The following MACROD2 variants were observed in gnomAD, a reference collection of about 807,000 sequenced individuals.
The protein encoded by MACROD2 is ADP-ribose glycohydrolase MACROD2.
In MACROD2, 36 loss-of-function variants were observed where a neutral mutation model predicts 70.4. The observed-to-expected ratio is 0.51, with a 90% CI of 0.39 to 0.68. The LOEUF (loss-of-function observed/expected upper bound fraction) is 0.68, where lower values mean the gene tolerates loss of function less well. Ranked by LOEUF, MACROD2 falls within the 30% of genes least tolerant of loss-of-function variation. MACROD2 has a pLI of 0.00. For synonymous variants in MACROD2, 172 were observed against 178.8 expected, an observed-to-expected ratio of 0.96 and a Z score of 0.30; for missense variants, 496 against 538.4, an observed-to-expected ratio of 0.92 and a Z score of 0.78.
chr20:14,163,382 CTCTTTG>C (rs1287550520), intron 3 of MACROD2, among the ~76,000 whole-genome samples: 1 of 151,982 alleles, frequency 6.6e-6, no homozygotes, highest in African/African-American at 2.4e-5. Flanking sequence ...TTGGAATTTT[CTCTTTG>C]TCTTTGACTT....
intron 8 of MACROD2, among the ~76,000 whole-genome samples, chr20:15,721,880 T>C (rs1370981202): frequency 6.6e-6 from 1 of 152,184 alleles, no homozygotes; most frequent in Non-Finnish European, 1.5e-5. Context: ...CGTCACATTT[T>C]TCTTCTCTAA....
intron 5 of MACROD2, among the ~76,000 whole-genome samples, chr20:15,041,359 A>G (rs1380192545): frequency 6.6e-6 from 1 of 152,162 alleles, no homozygotes; most frequent in African/African-American, 2.4e-5. Context: ...CTGGCCATAT[A>G]TCCAACTTTA....
intron 8 of MACROD2, among the ~76,000 whole-genome samples, chr20:15,736,202 C>T (rs966115176): frequency 6.6e-6 from 1 of 152,208 alleles, no homozygotes; most frequent in African/African-American, 2.4e-5. Flanking sequence ...CTCATTCTCT[C>T]TACATCACAA....
intron 10 of MACROD2, among the ~76,000 whole-genome samples, chr20:15,916,498 T>A (rs2065318350): frequency 6.6e-6 from 1 of 152,152 alleles, no homozygotes; most frequent in Admixed American, 6.5e-5. Context: ...AAGGGAGGAA[T>A]CTCTATGAAT....
At chr20:14,419,359 C>A (rs2083849815) in intron 3 of MACROD2, among the ~76,000 whole-genome samples, 1 of 152,096 alleles carries the variant, frequency 6.6e-6, no homozygotes, top group African/African-American at 2.4e-5. Flanking sequence ...CAGCTAGGAT[C>A]TTTATATATT....
intron 5 of MACROD2, among the ~76,000 whole-genome samples, chr20:14,731,850 A>C (rs1392101932): frequency 2.0e-5 from 3 of 152,126 alleles, no homozygotes; most frequent in Non-Finnish European, 4.4e-5. Context: ...CTTTTTTTAA[A>C]ACCAGACATT....
chr20:14,704,824 T>C (rs921668888), intron 5 of MACROD2, among the ~76,000 whole-genome samples: 1 of 152,172 alleles, frequency 6.6e-6, no homozygotes, highest in African/African-American at 2.4e-5. Flanking sequence ...TTTTTTTAAA[T>C]TTTATTTCTC....
intron 5 of MACROD2, among the ~76,000 whole-genome samples, chr20:14,749,724 G>A (rs1308896812): frequency 6.6e-6 from 1 of 152,010 alleles, no homozygotes; most frequent in Non-Finnish European, 1.5e-5. Flanking sequence ...TAGTAATAGA[G>A]TGTTTTATTT....
intron 5 of MACROD2, among the ~76,000 whole-genome samples, chr20:15,215,306 C>G (rs1377183470): frequency 7.7e-6 from 1 of 130,360 alleles, no homozygotes; most frequent in African/African-American, 3.1e-5. Context: ...GTATTTTCAA[C>G]CAGGAAGCAT....
intron 8 of MACROD2, among the ~76,000 whole-genome samples, chr20:15,768,532 T>C (rs2051566718): frequency 6.6e-6 from 1 of 152,150 alleles, no homozygotes; most frequent in Non-Finnish European, 1.5e-5. Flanking sequence ...GGTGAGTGAA[T>C]GTGAAGTCCT....
chr20:14,682,640 G>A (rs1207805201), intron 4 of MACROD2, among the ~76,000 whole-genome samples: 1 of 152,030 alleles, frequency 6.6e-6, no homozygotes, highest in Non-Finnish European at 1.5e-5. Context: ...TTCATTTTAA[G>A]TGGTGTATTA....
At chr20:14,742,451 C>CTG (rs1555824052) in intron 5 of MACROD2, among the ~76,000 whole-genome samples, 3 of 151,608 alleles carry the variant, frequency 2.0e-5, no homozygotes, top group Admixed American at 2.0e-4. Flanking sequence ...GAAATGCAAA[C>CTG]AGTCAAATTT....
At chr20:14,517,055 T>G (rs1369252193) in intron 4 of MACROD2, among the ~76,000 whole-genome samples, 2 of 152,132 alleles carry the variant, frequency 1.3e-5, no homozygotes, top group African/African-American at 4.8e-5. Context: ...CTGGAGAGGA[T>G]GTGGAGAAAT....
At chr20:14,945,445 C>T (rs1226392220) in intron 5 of MACROD2, among the ~76,000 whole-genome samples, 6 of 152,114 alleles carry the variant, frequency 3.9e-5, no homozygotes, top group Non-Finnish European at 8.8e-5. Context: ...AAGACAGGGG[C>T]GTCAAGGTTA....
intron 3 of MACROD2, among the ~76,000 whole-genome samples, chr20:14,096,707 TTTATTAGTTCCTTACCTTG>T (rs1483362103): frequency 1.3e-5 from 2 of 152,160 alleles, no homozygotes; most frequent in Admixed American, 6.5e-5. Flanking sequence ...GGTCAGGGAT[TTTATTAGTTCCTTACCTTG>T]TTTGAGCCAT....
At chr20:15,640,019 G>T (rs928671191) in intron 8 of MACROD2, among the ~76,000 whole-genome samples, 1 of 136,314 alleles carries the variant, frequency 7.3e-6, no homozygotes, top group African/African-American at 3.7e-5. Context: ...GGATGATAGA[G>T]AGAAGGAGAG....
chr20:14,208,308 T>C (rs777622539), intron 3 of MACROD2, among the ~76,000 whole-genome samples: 4 of 152,182 alleles, frequency 2.6e-5, no homozygotes, highest in Non-Finnish European at 4.4e-5. Flanking sequence ...TTGTGACATC[T>C]TTGGATATAC....
chr20:15,066,884 A>G (rs1447838778), intron 5 of MACROD2, among the ~76,000 whole-genome samples: 2 of 148,570 alleles, frequency 1.3e-5, no homozygotes, highest in Non-Finnish European at 3.0e-5. Context: ...TCTGTCTCGA[A>G]AAAAAAAAAA....
intron 5 of MACROD2, among the ~76,000 whole-genome samples, chr20:15,180,467 A>G (rs2076492632): frequency 6.6e-6 from 1 of 152,194 alleles, no homozygotes; most frequent in Non-Finnish European, 1.5e-5. Flanking sequence ...AATATCATGT[A>G]ATGTTTGAGA....
Sources: allele counts gnomAD v4.1 joint callset (sites outside exome capture counted in the v4.1 genomes callset), GRCh38; gene constraint gnomAD v4.1.1; transcripts MANE v1.5; gene names NCBI Gene and HGNC (gene_info 2026-07-23, HGNC 2026-07-21).